ERCC6L2: variants seen among roughly 807,000 people sequenced by gnomAD.
The protein encoded by ERCC6L2 is DNA excision repair protein ERCC-6-like 2.
In ERCC6L2, 77 loss-of-function variants were observed where a neutral mutation model predicts 132.0. The ratio of observed to expected loss-of-function variants is 0.58; its 90% CI spans 0.49 to 0.71. The LOEUF is 0.71. ERCC6L2 is among the 30% of genes least tolerant of loss of function. The pLI is 0.00. For synonymous variants in ERCC6L2, 583 were observed against 632.4 expected, an observed-to-expected ratio of 0.92 and a Z score of 1.17; for missense variants, 1,542 against 1,837.6, an observed-to-expected ratio of 0.84 and a Z score of 2.94.
Position 96,016,829 on chromosome 9 carries a change from C to T in ERCC6L2, c.*3626C>T, listed in dbSNP as rs560640357. Among the ~76,000 whole-genome samples, 1 of 152,116 alleles carries T rather than the reference C, an allele frequency of 6.6e-6. No individual in the cohort carries two copies. Among genetic ancestry groups the T allele is most frequent in the Non-Finnish European group, 1.5e-5 (1 of 68,028 alleles). On this transcript the variant is annotated 3_prime_UTR_variant, in exon 19 of 19. Transcript: ENST00000653738. Reference sequence around the variant, plus strand: ...TAAAAGTTGGTAATCATATGTCAGTCCCAGAAGTTTTATTTGACACTTACT... The same window carrying T: ...TAAAAGTTGGTAATCATATGTCAGTTCCAGAAGTTTTATTTGACACTTACT...
intron 14 of ERCC6L2, among the ~76,000 whole-genome samples, chr9:95,970,044 G>A (rs1832342454): frequency 6.6e-6 from 1 of 152,078 alleles, no homozygotes; most frequent in African/African-American, 2.4e-5. Context: ...TATATAACTA[G>A]AATATTGTTT....
At chr9:96,020,950 G>T (rs763355142), downstream of ERCC6L2, 15 of 456,700 alleles carry the variant, frequency 3.3e-5, no homozygotes, top group South Asian at 2.3e-4. Context: ...GGGCCGGGGA[G>T]CGGGGAGAGG....
At chr9:95,953,233 A>G (rs1831425015) in intron 12 of ERCC6L2, among the ~76,000 whole-genome samples, 2 of 152,184 alleles carry the variant, frequency 1.3e-5, no homozygotes, top group African/African-American at 2.4e-5. Context: ...TTTGTTTTGT[A>G]TATTTTGCCA....
intron 17 of ERCC6L2, among the ~76,000 whole-genome samples, chr9:95,986,320 C>T (rs1161110973): frequency 1.3e-5 from 2 of 152,108 alleles, no homozygotes; most frequent in African/African-American, 2.4e-5. Context: ...AGCCCCATGA[C>T]ACCATAGGGA....
At chr9:96,037,822 G>A (rs772863599) in intron 19 of ERCC6L2, among the ~76,000 whole-genome samples, 1 of 152,038 alleles carries the variant, frequency 6.6e-6, no homozygotes, top group Non-Finnish European at 1.5e-5. Context: ...GGAGCCAGAG[G>A]AGATGGGAAG....
intron 4 of ERCC6L2, among the ~76,000 whole-genome samples, chr9:95,913,315 A>G (rs554327008): frequency 1.5e-4 from 23 of 152,310 alleles, no homozygotes; most frequent in Admixed American, 1.1e-3. Flanking sequence ...GGAATTAACC[A>G]CAATTTTGAC....
chr9:95,957,771 A>G (rs946777515), intron 13 of ERCC6L2, among the ~76,000 whole-genome samples: 1 of 152,118 alleles, frequency 6.6e-6, no homozygotes, highest in African/African-American at 2.4e-5. Flanking sequence ...GGCACTAAAT[A>G]TGGTTTAAAG....
intron 4 of ERCC6L2, 30 bp downstream of exon 4, chr9:95,907,301 T>C (rs187052152): frequency 6.6e-7 from 1 of 1,503,786 alleles, no homozygotes; most frequent in East Asian, 2.3e-5. Flanking sequence ...TAGGAATGAT[T>C]GTATTAATAG....
intron 12 of ERCC6L2, chr9:95,955,003 C>T (rs1325899972): frequency 1.9e-5 from 8 of 410,392 alleles, no homozygotes; most frequent in Admixed American, 8.1e-5. Context: ...CAAATTGTGA[C>T]ATTTTCAAGC....
At chr9:95,897,815 A>AT (rs1303726312) in intron 2 of ERCC6L2, 34 bp from the exon 3 acceptor site, 1 of 1,610,290 alleles carries the variant, frequency 6.2e-7, no homozygotes, top group South Asian at 1.1e-5. Flanking sequence ...ATGATACATT[A>AT]TACACAGTGA....
intron 12 of ERCC6L2, among the ~76,000 whole-genome samples, chr9:95,952,959 A>G (rs1831411080): frequency 6.6e-6 from 1 of 152,212 alleles, no homozygotes; most frequent in Non-Finnish European, 1.5e-5. Context: ...GCTACGAAGA[A>G]TGGATACCTG....
intron 13 of ERCC6L2, among the ~76,000 whole-genome samples, chr9:95,960,484 T>C (rs1014356317): frequency 1.3e-5 from 2 of 152,070 alleles, no homozygotes; most frequent in African/African-American, 2.4e-5. Context: ...AGTGTCCTTA[T>C]AAGAAAGAGC....
intron 17 of ERCC6L2, among the ~76,000 whole-genome samples, chr9:96,000,883 C>G (rs1833646613): frequency 6.6e-6 from 1 of 152,216 alleles, no homozygotes; most frequent in Non-Finnish European, 1.5e-5. Context: ...TTCTTGGTCT[C>G]ACTGACTTCA....
At chr9:96,030,151 C>G (rs1238762902) in intron 19 of ERCC6L2, among the ~76,000 whole-genome samples, 2 of 152,118 alleles carry the variant, frequency 1.3e-5, no homozygotes, top group African/African-American at 4.8e-5. Flanking sequence ...CCGTGGCTAG[C>G]TAGAGGTTTG....
rs1344464956 is a variant in ERCC6L2 at position 95,928,730 on chromosome 9, G to C, written c.1617G>C (p.Val539=). The change falls in exon 11 of 19, where the codon GTG becomes GTC. Residue 539 remains valine, a synonymous_variant. Coordinates refer to ENST00000653738, the MANE Select transcript of ERCC6L2 (RefSeq NM_020207.7). ...TACCTCTCGTCTAGTTGCTTGACGTGCTACAGCAGTACTGTATGGCGTCTG... is the reference window on the plus strand; with the variant it reads ...TACCTCTCGTCTAGTTGCTTGACGTCCTACAGCAGTACTGTATGGCGTCTG... ...LFSFSTKLLD[V]LQQYCMASGL... 1 of 1,602,400 alleles carries C rather than the reference G, an allele frequency of 6.2e-7. No individual in the cohort carries two copies. The highest frequency in any genetic ancestry group is 1.3e-5 in the African/African-American group (1 of 74,264).
chr9:95,967,840 G>A (rs1832230810), intron 14 of ERCC6L2: 1 of 151,718 alleles, frequency 6.6e-6, no homozygotes, highest in African/African-American at 2.4e-5. Flanking sequence ...CAATAACTTT[G>A]TTTGCCCTCC....
chr9:95,994,932 T>G (rs1448989465), intron 17 of ERCC6L2, among the ~76,000 whole-genome samples: 1 of 152,180 alleles, frequency 6.6e-6, no homozygotes, highest in Non-Finnish European at 1.5e-5. Context: ...TACTGTTCTT[T>G]AGTAACTTAC....
intron 12 of ERCC6L2, among the ~76,000 whole-genome samples, chr9:95,946,214 A>G (rs1208953879): frequency 2.0e-5 from 3 of 152,054 alleles, no homozygotes; most frequent in Non-Finnish European, 4.4e-5. Context: ...ATAATGGGAA[A>G]CTCCATATTC....
intron 11 of ERCC6L2, among the ~76,000 whole-genome samples, chr9:95,938,657 T>TA (rs766198836): frequency 3.3e-5 from 5 of 152,244 alleles, no homozygotes; most frequent in Middle Eastern, 3.4e-3. Flanking sequence ...TTTTCTTTAA[T>TA]AATTGCCTGG....
Sources: gnomAD v4.1 joint callset for allele counts (sites outside exome capture counted in the v4.1 genomes callset) on GRCh38, gnomAD v4.1.1 for gene constraint, MANE v1.5 for transcripts, NCBI Gene and HGNC (gene_info 2026-07-23, HGNC 2026-07-21) for gene names.